Variants in CHN2 observed in about 807,000 individuals in gnomAD.
The protein encoded by CHN2 is beta-chimaerin.
A neutral mutation model predicts 56.3 loss-of-function variants in CHN2; 35 were observed. The observed-to-expected ratio is 0.62, with a 90% confidence interval of 0.47 to 0.82. The LOEUF is 0.82. Ranked by LOEUF, CHN2 falls within the 40% of genes least tolerant of loss-of-function variation. CHN2 has a pLI of 0.00. For synonymous variants in CHN2, 210 were observed against 212.8 expected, an observed-to-expected ratio of 0.99 and a Z score of 0.12; for missense variants, 491 against 580.5, an observed-to-expected ratio of 0.85 and a Z score of 1.58.
intron 2 of CHN2, among the ~76,000 whole-genome samples, chr7:29,167,546 G>A (rs1796074595): frequency 6.6e-6 from 1 of 152,176 alleles, no homozygotes; most frequent in African/African-American, 2.4e-5. Context: ...GTATTGCTGA[G>A]TCGAAGACTA....
At chr7:29,497,476 T>G (rs577231076) in intron 8 of CHN2, among the ~76,000 whole-genome samples, 1 of 151,956 alleles carries the variant, frequency 6.6e-6, no homozygotes, top group East Asian at 1.9e-4. Context: ...TTTTGTGGGG[T>G]TTTTTTCTGG....
intron 6 of CHN2, among the ~76,000 whole-genome samples, chr7:29,451,992 G>A (rs1413032411): frequency 6.6e-6 from 1 of 152,234 alleles, no homozygotes; most frequent in African/African-American, 2.4e-5. Context: ...CACCCGTGGA[G>A]GACAGCAGGG....
intron 6 of CHN2, among the ~76,000 whole-genome samples, chr7:29,464,167 C>G (rs905140030): frequency 1.3e-5 from 2 of 152,262 alleles, no homozygotes; most frequent in Admixed American, 6.5e-5. Flanking sequence ...CTTTATTGAG[C>G]CCTTATTTTG....
At chr7:29,385,758 G>A (rs1800867169) in intron 3 of CHN2, among the ~76,000 whole-genome samples, 1 of 152,158 alleles carries the variant, frequency 6.6e-6, no homozygotes. Context: ...TTTTATGTTT[G>A]TTTGCTCTAA....
intron 1 of CHN2, among the ~76,000 whole-genome samples, chr7:29,257,403 C>T (rs1789160198): frequency 6.6e-6 from 1 of 152,172 alleles, no homozygotes; most frequent in South Asian, 2.1e-4. Context: ...TTCACTTCTT[C>T]CATATGCCAG....
intron 6 of CHN2, among the ~76,000 whole-genome samples, chr7:29,405,516 C>G (rs1288063840): frequency 6.6e-6 from 1 of 152,130 alleles, no homozygotes; most frequent in East Asian, 1.9e-4. Context: ...AGCTCTCCTC[C>G]CATTAACCAC....
At chr7:29,318,013 G>A (rs1795080078) in intron 1 of CHN2, among the ~76,000 whole-genome samples, 1 of 152,162 alleles carries the variant, frequency 6.6e-6, no homozygotes, top group Non-Finnish European at 1.5e-5. Flanking sequence ...AAAAACAGAT[G>A]TGTGGTACTT....
intron 1 of CHN2, among the ~76,000 whole-genome samples, chr7:29,321,201 T>C (rs1795315420): frequency 6.6e-6 from 1 of 152,228 alleles, no homozygotes; most frequent in Non-Finnish European, 1.5e-5. Context: ...TTTTCTAATA[T>C]TGTCCCTCTT....
At chr7:29,279,480 C>A (rs1791505562) in intron 1 of CHN2, among the ~76,000 whole-genome samples, 1 of 152,238 alleles carries the variant, frequency 6.6e-6, no homozygotes, top group African/African-American at 2.4e-5. Flanking sequence ...TGAATTTGTT[C>A]CACATGTTGG....
chr7:29,452,214 GCTT>G (rs1241474470), intron 6 of CHN2, among the ~76,000 whole-genome samples: 14 of 152,224 alleles, frequency 9.2e-5, no homozygotes, highest in African/African-American at 3.4e-4. Context: ...TTTCTAGTTT[GCTT>G]CTGCTGTCAT....
intron 1 of CHN2, among the ~76,000 whole-genome samples, chr7:29,346,134 A>G (rs1019395773): frequency 1.3e-5 from 2 of 152,152 alleles, no homozygotes; most frequent in African/African-American, 4.8e-5. Flanking sequence ...GTTTTGCAGC[A>G]GTCAGGATGA....
At chr7:29,328,102 T>C (rs1795948578) in intron 1 of CHN2, among the ~76,000 whole-genome samples, 1 of 152,138 alleles carries the variant, frequency 6.6e-6, no homozygotes, top group African/African-American at 2.4e-5. Flanking sequence ...AGCCTGTGAG[T>C]CTTTAAAGAG....
intron 1 of CHN2, among the ~76,000 whole-genome samples, chr7:29,205,950 T>C (rs1784489592): frequency 6.6e-6 from 1 of 152,144 alleles, no homozygotes; most frequent in African/African-American, 2.4e-5. Context: ...TCTTCCTCTG[T>C]ATTCCTCTCT....
intron 3 of CHN2, among the ~76,000 whole-genome samples, chr7:29,368,879 C>G (rs2128041905): frequency 6.6e-6 from 1 of 152,230 alleles, no homozygotes; most frequent in South Asian, 2.1e-4. Context: ...ATCAAGTCAT[C>G]TCAATTTTAG....
chr7:29,458,928 C>T (rs1784957729), intron 6 of CHN2, among the ~76,000 whole-genome samples: 1 of 152,188 alleles, frequency 6.6e-6, no homozygotes, highest in African/African-American at 2.4e-5. Context: ...CAGGAGCGGA[C>T]AGATGCAATG....
At chr7:29,421,476 G>C (rs1804338568) in intron 6 of CHN2, among the ~76,000 whole-genome samples, 1 of 152,210 alleles carries the variant, frequency 6.6e-6, no homozygotes, top group South Asian at 2.1e-4. Flanking sequence ...AAACGACTGG[G>C]TTTCAAGTAG....
At chr7:29,408,325 G>C (rs1802856453) in intron 6 of CHN2, among the ~76,000 whole-genome samples, 1 of 152,192 alleles carries the variant, frequency 6.6e-6, no homozygotes, top group Non-Finnish European at 1.5e-5. Flanking sequence ...TGATTGTCAA[G>C]TGCAGGGCTT....
chr7:29,430,317 A>T (rs746146367), intron 6 of CHN2, among the ~76,000 whole-genome samples: 10 of 152,186 alleles, frequency 6.6e-5, no homozygotes, highest in Non-Finnish European at 1.0e-4. Context: ...GCACAGGAAG[A>T]TTGCTGTTCC....
At position 29,262,082 on chromosome 7, in the gene CHN2, C is replaced by A. The variant is rs148630784; in HGVS notation, c.49+67092C>A. The stretch of plus-strand genomic sequence containing the variant: ...ACTCGGGAGGCTGAGGCAGGAGAAT[C>A]GCTTGAATCTGGAAGGCAGAGGTTG... On this transcript the variant is annotated intron_variant, in intron 1 of 12. Coordinates refer to ENST00000222792, the MANE Select transcript of CHN2 (RefSeq NM_004067.4). Among the ~76,000 whole-genome samples, 826 of 152,192 alleles carry A rather than the reference C, an allele frequency of 5.4e-3. 9 individuals carry two copies. Among genetic ancestry groups the A allele is most frequent in the African/African-American group, 0.019 (795 of 41,508 alleles).
Sources: gnomAD v4.1 joint callset for allele counts (sites outside exome capture counted in the v4.1 genomes callset) on GRCh38, gnomAD v4.1.1 for gene constraint, MANE v1.5 for transcripts, NCBI Gene and HGNC (gene_info 2026-07-23, HGNC 2026-07-21) for gene names.